PARVB: variants seen among roughly 807,000 people sequenced by gnomAD.
The protein encoded by PARVB is parvin beta.
In PARVB, 46 loss-of-function variants were observed where a neutral mutation model predicts 47.0. The ratio of observed to expected loss-of-function variants is 0.98; its 90% CI spans 0.77 to 1.25. The LOEUF (loss-of-function observed/expected upper bound fraction) is 1.25, where lower values mean the gene tolerates loss of function less well. Ranked by LOEUF, PARVB falls within the 50% of genes most tolerant of loss-of-function variation. The probability of loss-of-function intolerance (pLI) is 0.00; values close to 1 mark genes in which losing one functional copy is unlikely to be tolerated. For synonymous variants in PARVB, 196 were observed against 196.3 expected (o/e 1.00, Z 0.01); for missense variants, 473 against 471.6 (o/e 1.00, Z -0.03).
intron 1 of PARVB, among the ~76,000 whole-genome samples, chr22:44,074,305 T>G (rs2051718968): frequency 6.6e-6 from 1 of 152,200 alleles, no homozygotes; most frequent in African/African-American, 2.4e-5. Flanking sequence ...TGAGCAACAC[T>G]GACAGGAGAC....
chr22:44,014,040 C>A (rs113055773), intron 2 of PARVB, among the ~76,000 whole-genome samples: 1 of 152,222 alleles, frequency 6.6e-6, no homozygotes, highest in African/African-American at 2.4e-5. Flanking sequence ...CATAGCAAGA[C>A]CTCCATCTCT....
chr22:44,041,269 A>G (rs1334440444), intron 1 of PARVB, among the ~76,000 whole-genome samples: 1 of 151,910 alleles, frequency 6.6e-6, no homozygotes, highest in East Asian at 2.0e-4. Flanking sequence ...AGGCGGGTGG[A>G]TCACTTGAGG....
At chr22:44,044,516 C>T (rs543858325) in intron 1 of PARVB, among the ~76,000 whole-genome samples, 4 of 150,756 alleles carry the variant, frequency 2.7e-5, no homozygotes, top group Admixed American at 1.3e-4. Flanking sequence ...GATGGAATCT[C>T]GCTCTGTCGC....
intron 8 of PARVB, chr22:44,142,545 A>G (rs1034407326): frequency 2.0e-5 from 3 of 152,196 alleles, no homozygotes; most frequent in Non-Finnish European, 4.4e-5. Flanking sequence ...TTGGGAGCAC[A>G]TGGGCCTCAG....
intron 2 of PARVB, among the ~76,000 whole-genome samples, chr22:44,095,231 G>A (rs1354784923): frequency 6.6e-6 from 1 of 152,092 alleles, no homozygotes; most frequent in African/African-American, 2.4e-5. Context: ...AAAACAGGGC[G>A]GGCACGGTGG....
At chr22:44,092,726 T>C (rs1179929665) in intron 1 of PARVB, among the ~76,000 whole-genome samples, 1 of 152,178 alleles carries the variant, frequency 6.6e-6, no homozygotes, top group African/African-American at 2.4e-5. Flanking sequence ...GAGAAATAGG[T>C]GCAGAGAGGT....
chr22:44,119,010 G>A (rs1370263310), intron 3 of PARVB, 28 bp from the exon 4 acceptor site: 1 of 1,510,762 alleles, frequency 6.6e-7, no homozygotes. Flanking sequence ...CTGGTGGACT[G>A]AGGCCATAAT....
intron 1 of PARVB, among the ~76,000 whole-genome samples, chr22:44,037,507 G>C (rs1035253518): frequency 1.3e-5 from 2 of 152,212 alleles, no homozygotes; most frequent in Admixed American, 6.5e-5. Context: ...GATGTCCCAG[G>C]TGCTGTGCTA....
At chr22:44,154,440 G>A (rs2053874441) in intron 10 of PARVB, among the ~76,000 whole-genome samples, 1 of 152,120 alleles carries the variant, frequency 6.6e-6, no homozygotes, top group Admixed American at 6.6e-5. Flanking sequence ...ATTTCTATTT[G>A]TGTGTGGGTG....
intron 1 of PARVB, among the ~76,000 whole-genome samples, chr22:44,029,075 C>A (rs1255267523): frequency 2.0e-5 from 3 of 152,206 alleles, no homozygotes; most frequent in African/African-American, 7.2e-5. Context: ...CCTCAATCTC[C>A]TGGGGCTCAA....
At chr22:44,001,945 C>T (rs868048304) in intron 2 of PARVB, among the ~76,000 whole-genome samples, 1 of 152,190 alleles carries the variant, frequency 6.6e-6, no homozygotes, top group African/African-American at 2.4e-5. Context: ...AGGGTAAAAG[C>T]GCTGAGATGT....
chr22:44,051,224 T>C (rs1474422347), intron 1 of PARVB, among the ~76,000 whole-genome samples: 2 of 152,274 alleles, frequency 1.3e-5, no homozygotes, highest in Non-Finnish European at 2.9e-5. Context: ...ACTTGTGCTC[T>C]GCAGCTGCAA....
At chr22:44,002,664 G>A (rs1261363499) in intron 2 of PARVB, among the ~76,000 whole-genome samples, 1 of 152,186 alleles carries the variant, frequency 6.6e-6, no homozygotes, top group Non-Finnish European at 1.5e-5. Flanking sequence ...GCAAGGACTG[G>A]CATTAAATTC....
chr22:44,098,126 C>G (rs903860271), intron 2 of PARVB, among the ~76,000 whole-genome samples: 1 of 152,120 alleles, frequency 6.6e-6, no homozygotes, highest in Admixed American at 6.5e-5. Context: ...TAGGGCAATG[C>G]TGAGATTTTT....
At chr22:44,024,813 T>C (rs2050702068) in intron 1 of PARVB, among the ~76,000 whole-genome samples, 1 of 152,022 alleles carries the variant, frequency 6.6e-6, no homozygotes. Context: ...CCATGAGCAG[T>C]GACGCTCACG....
chr22:44,116,747 G>GA (rs59564695), intron 3 of PARVB, among the ~76,000 whole-genome samples: 58 of 152,298 alleles, frequency 3.8e-4, no homozygotes, highest in African/African-American at 1.2e-3. Context: ...TGTGATGGGG[G>GA]ATGCTGCCTG....
rs543280377 is a variant in PARVB, at chr22:44,156,402, C to T, written c.844-1580C>T. Among the ~76,000 whole-genome samples the T allele has an allele frequency of 2.6e-4, 39 of 151,486 alleles. 1 individual carries two copies. The South Asian group carries it at 5.8e-3, about 23-fold the overall frequency. On this transcript the variant is annotated intron_variant, in intron 10 of 12. Transcript: ENST00000338758. ...TAAAGCGATTCTCCTGCCTCAACCT[C>T]CCGAGTAGCTGGGATTACAGGCATG... is the stretch of plus-strand genomic sequence containing the variant.
At chr22:44,054,169 G>T (rs73438670) in intron 1 of PARVB, among the ~76,000 whole-genome samples, 3,174 of 152,282 alleles carry the variant, frequency 0.021, 123 homozygotes, top group African/African-American at 0.073. Context: ...GCCTTGGGCA[G>T]GTGAAAGGAG....
At chr22:44,147,829 G>T (rs200341099) in intron 8 of PARVB, 32 bp from the exon 9 acceptor site, 11 of 1,604,796 alleles carry the variant, frequency 6.9e-6, no homozygotes, top group Non-Finnish European at 9.4e-6. Context: ...TTCCATAAAC[G>T]CTCCTTCGTG....
Sources: allele counts gnomAD v4.1 joint callset (sites outside exome capture counted in the v4.1 genomes callset), GRCh38; gene constraint gnomAD v4.1.1; transcripts MANE v1.5; gene names NCBI Gene and HGNC (gene_info 2026-07-23, HGNC 2026-07-21).